Variants in CSMD1 observed in about 807,000 individuals in gnomAD.
CSMD1 encodes CUB and sushi domain-containing protein 1.
In CSMD1, 213 loss-of-function variants were observed where a neutral mutation model predicts 417.5. The observed-to-expected ratio is 0.51, with a 90% confidence interval of 0.46 to 0.57. The LOEUF is 0.57. CSMD1 is among the 20% of genes least tolerant of loss of function. The probability of loss-of-function intolerance (pLI) is 0.00; values close to 1 mark genes in which losing one functional copy is unlikely to be tolerated. For missense variants in CSMD1, 6,923 were observed against 4,529.7 expected (o/e 1.53, Z -15.17); for synonymous variants, 2,862 against 1,736.8 (o/e 1.65, Z -16.11).
At chr8:4,384,147 C>T (rs1010854980) in intron 3 of CSMD1, among the ~76,000 whole-genome samples, 1 of 152,160 alleles carries the variant, frequency 6.6e-6, no homozygotes, top group Admixed American at 6.5e-5. Context: ...TGAGCCTCCT[C>T]CCTTGGGAAT....
Position 4,980,166 on chromosome 8 carries a change from A to T in CSMD1, c.85+14166T>A, listed in dbSNP as rs182121892. On this transcript the variant is annotated intron_variant, in intron 1 of 69. Transcript: ENST00000635120. ...AACCCTGTAACACGCACACACAGAGAGTTCTGTGTCACCAGTGACAGCTCT... is the reference window on the plus strand; with the variant it reads ...AACCCTGTAACACGCACACACAGAGTGTTCTGTGTCACCAGTGACAGCTCT... 2.6e-5 allele frequency among the ~76,000 whole-genome samples: 4 copies of T among 152,342 alleles called. No homozygotes were observed. In the East Asian group the frequency reaches 7.7e-4, roughly 29 times the overall value.
At chr8:4,473,420 A>C (rs941952766) in intron 2 of CSMD1, among the ~76,000 whole-genome samples, 13 of 152,200 alleles carry the variant, frequency 8.5e-5, no homozygotes, top group Non-Finnish European at 7.3e-5. Context: ...TAATCCAGTC[A>C]GCTTACCTGA....
At chr8:3,812,776 A>G (rs1336376693) in intron 5 of CSMD1, among the ~76,000 whole-genome samples, 1 of 152,180 alleles carries the variant, frequency 6.6e-6, no homozygotes, top group Non-Finnish European at 1.5e-5. Flanking sequence ...CCAAGGGTCA[A>G]TGTATAGTAG....
At chr8:3,629,503 A>G (rs977418201) in intron 7 of CSMD1, among the ~76,000 whole-genome samples, 2 of 152,232 alleles carry the variant, frequency 1.3e-5, no homozygotes, top group African/African-American at 4.8e-5. Flanking sequence ...GCATTGCTCA[A>G]TAAAGACAAC....
At chr8:3,453,426 C>A (rs1056222725) in intron 12 of CSMD1, among the ~76,000 whole-genome samples, 1 of 152,006 alleles carries the variant, frequency 6.6e-6, no homozygotes, top group East Asian at 1.9e-4. Context: ...TTAGATCTTG[C>A]CTGCTTTCTC....
intron 3 of CSMD1, among the ~76,000 whole-genome samples, chr8:4,099,859 G>T (rs536968626): frequency 6.6e-6 from 1 of 151,942 alleles, no homozygotes; most frequent in Non-Finnish European, 1.5e-5. Flanking sequence ...CTTCTTTTCC[G>T]TTTATTTAAG....
chr8:3,661,394 T>G (rs931994021), intron 7 of CSMD1, among the ~76,000 whole-genome samples: 1 of 152,136 alleles, frequency 6.6e-6, no homozygotes, highest in South Asian at 2.1e-4. Flanking sequence ...CCTTTTTTTG[T>G]GTATAAATCT....
chr8:4,656,098 T>C (rs1251966644), intron 1 of CSMD1, among the ~76,000 whole-genome samples: 2 of 152,016 alleles, frequency 1.3e-5, no homozygotes, highest in African/African-American at 4.8e-5. Context: ...ATGCTAGTCT[T>C]ATGGGGGCAA....
In CSMD1 at chr8:4,316,356, T is replaced by G. The variant is rs187550762; in HGVS notation, c.415+103597A>C. ...TTCCAAGCGGTTTCTTAGGTTATGG[T>G]CTTATACTCTGGGCTGCCACAGACC... On this transcript the variant is annotated intron_variant, in intron 3 of 69. Transcript: ENST00000635120. 3.0e-4 allele frequency among the ~76,000 whole-genome samples: 45 copies of G among 152,232 alleles called. 1 individual carries two copies. The East Asian group carries it at 7.7e-3, about 26-fold the overall frequency.
intron 5 of CSMD1, among the ~76,000 whole-genome samples, chr8:3,974,878 G>C (rs1447532562): frequency 6.6e-6 from 1 of 151,888 alleles, no homozygotes; most frequent in East Asian, 1.9e-4. Context: ...CATAATTTAA[G>C]AATTTAAAAA....
rs151072011 is a variant in CSMD1, at chr8:3,528,156, T to C, written c.1345-34430A>G. 2.4e-4 allele frequency among the ~76,000 whole-genome samples: 37 copies of C among 152,306 alleles called. 1 individual carries two copies. In the East Asian group the frequency reaches 7.0e-3, roughly 29 times the overall value. On this transcript the variant is annotated intron_variant, in intron 10 of 69. Transcript: ENST00000635120. The stretch of plus-strand genomic sequence containing the variant: ...ACAAAGGGAGCTGACATAGAATTAT[T>C]TTGCATGGTTAACTCCCCTGGTAGA...
intron 12 of CSMD1, among the ~76,000 whole-genome samples, chr8:3,410,942 T>C (rs1245581408): frequency 6.6e-6 from 1 of 151,864 alleles, no homozygotes; most frequent in Non-Finnish European, 1.5e-5. Context: ...GAGGAGGCAG[T>C]GAAGAAAATG....
At chr8:3,242,160 G>C (rs547914617) in intron 26 of CSMD1, among the ~76,000 whole-genome samples, 131 of 152,046 alleles carry the variant, frequency 8.6e-4, no homozygotes, top group African/African-American at 3.1e-3. Context: ...TAAATTGCTG[G>C]GCAGGTGGGG....
At position 4,159,074 on chromosome 8, in the gene CSMD1, C is replaced by A. The variant is rs1032900784; in HGVS notation, c.416-126975G>T. Among the ~76,000 whole-genome samples, 4 of 152,182 alleles carry A rather than the reference C, an allele frequency of 2.6e-5. No homozygotes were observed. The South Asian group carries it at 8.3e-4, about 32-fold the overall frequency. On this transcript the variant is annotated intron_variant, in intron 3 of 69. Transcript: ENST00000635120. ...GGGATTACAGGCTTGCACCACCAGG[C>A]CCAGCTAATTTTTGTATTTTTAGTA...
At chr8:3,549,180 T>A (rs574114878) in intron 10 of CSMD1, among the ~76,000 whole-genome samples, 1 of 152,290 alleles carries the variant, frequency 6.6e-6, no homozygotes, top group Admixed American at 6.5e-5. Context: ...ACGGTCCACA[T>A]CCAGTCTGTG....
chr8:3,474,654 C>G (rs941693000), intron 11 of CSMD1, among the ~76,000 whole-genome samples: 1 of 152,018 alleles, frequency 6.6e-6, no homozygotes, highest in African/African-American at 2.4e-5. Flanking sequence ...TATCAATTAG[C>G]CTAAGGGGAA....
chr8:4,048,616 A>G (rs931627505), intron 3 of CSMD1, among the ~76,000 whole-genome samples: 7 of 152,254 alleles, frequency 4.6e-5, no homozygotes, highest in African/African-American at 1.7e-4. Flanking sequence ...CACACCAAAC[A>G]GGTAATTCTT....
intron 54 of CSMD1, among the ~76,000 whole-genome samples, chr8:2,992,597 T>G (rs571398034): frequency 9.4e-5 from 14 of 149,228 alleles, no homozygotes; most frequent in Admixed American, 5.9e-4. Flanking sequence ...CTAATTTTTT[T>G]GTATTTTTAG....
chr8:4,122,251 T>C (rs1026488881), intron 3 of CSMD1, among the ~76,000 whole-genome samples: 5 of 152,164 alleles, frequency 3.3e-5, no homozygotes, highest in African/African-American at 1.2e-4. Flanking sequence ...TTGGTTTGAC[T>C]TCGTACATTT....
Sources: allele counts gnomAD v4.1 joint callset (sites outside exome capture counted in the v4.1 genomes callset), GRCh38; gene constraint gnomAD v4.1.1; transcripts MANE v1.5; gene names NCBI Gene and HGNC (gene_info 2026-07-23, HGNC 2026-07-21).